Variants in CCDC102B observed in about 807,000 individuals in gnomAD.
The protein encoded by CCDC102B is coiled-coil domain-containing protein 102B.
CCDC102B carries 75 observed loss-of-function variants against 57.4 expected under a neutral mutation model. The observed-to-expected ratio is 1.31, with a 90% CI of 1.08 to 1.58. CCDC102B has a LOEUF of 1.58. Ranked by LOEUF, CCDC102B falls within the 40% of genes most tolerant of loss-of-function variation. The probability of loss-of-function intolerance (pLI) is 0.00; values close to 1 mark genes in which losing one functional copy is unlikely to be tolerated. For synonymous variants in CCDC102B, 206 were observed against 201.9 expected, an observed-to-expected ratio of 1.02 and a Z score of -0.17; for missense variants, 636 against 582.6, an observed-to-expected ratio of 1.09 and a Z score of -0.94.
chr18:69,038,991 G>A (rs191201752), intron 7 of CCDC102B, among the ~76,000 whole-genome samples: 1 of 151,950 alleles, frequency 6.6e-6, no homozygotes, highest in Admixed American at 6.6e-5. Flanking sequence ...CTTGTCATTA[G>A]CAAAGCCCTC....
downstream of CCDC102B, among the ~76,000 whole-genome samples, chr18:69,056,315 C>G (rs2052813984): frequency 6.6e-6 from 1 of 151,868 alleles, no homozygotes; most frequent in African/African-American, 2.4e-5. Flanking sequence ...ACAATCAATG[C>G]CAAAACTTAA....
chr18:68,872,014 G>T (rs566722740), intron 4 of CCDC102B, among the ~76,000 whole-genome samples: 1 of 152,302 alleles, frequency 6.6e-6, no homozygotes, highest in Admixed American at 6.5e-5. Flanking sequence ...ACTATGTATT[G>T]TGAAGGGCAA....
At chr18:68,834,788 C>A (rs963218473) in intron 1 of CCDC102B, among the ~76,000 whole-genome samples, 1 of 151,798 alleles carries the variant, frequency 6.6e-6, no homozygotes, top group South Asian at 2.1e-4. Context: ...CCTTAATATT[C>A]ATCTTTTAAA....
intron 6 of CCDC102B, among the ~76,000 whole-genome samples, chr18:68,935,061 T>A (rs1464319234): frequency 6.6e-6 from 1 of 151,892 alleles, no homozygotes; most frequent in Non-Finnish European, 1.5e-5. Context: ...GGCTTGCCAC[T>A]AAATAGGATA....
chr18:68,970,244 A>G (rs563306444), intron 6 of CCDC102B, among the ~76,000 whole-genome samples: 1 of 152,152 alleles, frequency 6.6e-6, no homozygotes, highest in South Asian at 2.1e-4. Flanking sequence ...ATTTTTTTAG[A>G]TAACATGTAT....
chr18:68,787,093 T>G (rs943389094), intron 2 of CCDC102B, among the ~76,000 whole-genome samples: 21 of 151,358 alleles, frequency 1.4e-4, no homozygotes, highest in African/African-American at 5.1e-4. Flanking sequence ...AATCATGTGG[T>G]TTTTGTCTTT....
At chr18:68,765,550 A>G (rs944401643) in intron 2 of CCDC102B, among the ~76,000 whole-genome samples, 1 of 152,144 alleles carries the variant, frequency 6.6e-6, no homozygotes, top group Non-Finnish European at 1.5e-5. Flanking sequence ...AGTGGAAGCC[A>G]AAGGGACTAT....
chr18:68,935,872 GATGCCTGAGAACTGTCC>G, intron 6 of CCDC102B, among the ~76,000 whole-genome samples: 1 of 151,816 alleles, frequency 6.6e-6, no homozygotes, highest in Non-Finnish European at 1.5e-5. Context: ...TTCACCTGCT[GATGCCTGAGAACTGTCC>G]ATGGTTCCCA....
intron 6 of CCDC102B, among the ~76,000 whole-genome samples, chr18:68,929,624 A>G (rs2041598626): frequency 6.6e-6 from 1 of 151,916 alleles, no homozygotes; most frequent in Non-Finnish European, 1.5e-5. Flanking sequence ...GTGTCCAGTC[A>G]TTTCAGTGAC....
intron 4 of CCDC102B, among the ~76,000 whole-genome samples, chr18:68,871,318 A>T (rs2039229276): frequency 3.9e-5 from 6 of 152,154 alleles, no homozygotes; most frequent in Admixed American, 3.9e-4. Context: ...CAACTTAACG[A>T]ATGTGATATA....
chr18:68,891,660 C>G (rs143803962), intron 5 of CCDC102B, among the ~76,000 whole-genome samples: 1 of 152,290 alleles, frequency 6.6e-6, no homozygotes, highest in East Asian at 1.9e-4. Flanking sequence ...CTGGTGAGGT[C>G]TCTTTTCTGG....
chr18:68,868,009 A>G lies in CCDC102B; in HGVS notation c.937-6660A>G, dbSNP rs2039078399. ...GAGAAAATATATAGCTTCTGACACA[A>G]GAGGAAAATCCAGACAATTATCATT... On this transcript the variant is annotated intron_variant, in intron 4 of 7. Transcript: ENST00000360242. 2.0e-5 allele frequency among the ~76,000 whole-genome samples: 3 copies of G among 152,142 alleles called. No individual in the cohort carries two copies. In the South Asian group the frequency reaches 6.2e-4, roughly 32 times the overall value.
At chr18:68,790,218 C>G (rs991657843) in intron 2 of CCDC102B, among the ~76,000 whole-genome samples, 2 of 151,644 alleles carry the variant, frequency 1.3e-5, no homozygotes, top group Non-Finnish European at 2.9e-5. Context: ...CTGGGAGAAC[C>G]ACTGCTGTCT....
At chr18:68,741,780 C>T (rs79791332) in intron 2 of CCDC102B, among the ~76,000 whole-genome samples, 4,297 of 151,726 alleles carry the variant, frequency 0.028, 141 homozygotes, top group South Asian at 0.09. Context: ...CAGGGTGGCT[C>T]CTTAGTGGGT....
At chr18:69,036,165 G>A (rs954817689) in intron 7 of CCDC102B, among the ~76,000 whole-genome samples, 1 of 152,074 alleles carries the variant, frequency 6.6e-6, no homozygotes, top group East Asian at 1.9e-4. Context: ...TTAGTCTGCA[G>A]CATCTAACAG....
chr18:68,997,222 A>C (rs942998573), intron 6 of CCDC102B, among the ~76,000 whole-genome samples: 1 of 152,176 alleles, frequency 6.6e-6, no homozygotes, highest in African/African-American at 2.4e-5. Context: ...GAAGTTCTTT[A>C]TCGGAGTGTG....
At chr18:68,718,993 C>A (rs2032178713) in intron 2 of CCDC102B, among the ~76,000 whole-genome samples, 1 of 151,914 alleles carries the variant, frequency 6.6e-6, no homozygotes, top group Non-Finnish European at 1.5e-5. Context: ...ATACTAGAAC[C>A]AGAAGAAGAG....
chr18:68,808,565 C>G (rs569858945), intron 1 of CCDC102B, among the ~76,000 whole-genome samples: 1 of 149,494 alleles, frequency 6.7e-6, no homozygotes, highest in Admixed American at 6.7e-5. Flanking sequence ...GCAAGCTCTG[C>G]CTCCTGGGTT....
chr18:68,959,981 C>T (rs150996205), intron 6 of CCDC102B, among the ~76,000 whole-genome samples: 1 of 152,004 alleles, frequency 6.6e-6, no homozygotes, highest in East Asian at 1.9e-4. Context: ...TAGTGCTCAA[C>T]CCCACTGTGG....
Sources: gnomAD v4.1 joint callset for allele counts (sites outside exome capture counted in the v4.1 genomes callset) on GRCh38, gnomAD v4.1.1 for gene constraint, MANE v1.5 for transcripts, NCBI Gene and HGNC (gene_info 2026-07-23, HGNC 2026-07-21) for gene names.